DHRS7: variants seen among roughly 807,000 people sequenced by gnomAD.
DHRS7 encodes dehydrogenase/reductase SDR family member 7.
DHRS7 carries 34 observed loss-of-function variants against 38.9 expected under a neutral mutation model. The observed-to-expected ratio is 0.87, with a 90% CI of 0.66 to 1.16. DHRS7 has a LOEUF of 1.16. DHRS7 is among the 50% of genes most tolerant of loss of function. DHRS7 has a pLI of 0.00. For missense variants in DHRS7, 421 were observed against 407.0 expected (o/e 1.03, Z -0.30); for synonymous variants, 158 against 153.1 (o/e 1.03, Z -0.24).
intron 4 of DHRS7, among the ~76,000 whole-genome samples, chr14:60,152,526 T>C (rs1280741953): frequency 6.6e-6 from 1 of 152,020 alleles, no homozygotes; most frequent in Non-Finnish European, 1.5e-5. Context: ...GTCACAGAAA[T>C]GGGGAGGAAA....
chr14:60,151,191 G>A (rs766782806), intron 4 of DHRS7, among the ~76,000 whole-genome samples: 6 of 152,132 alleles, frequency 3.9e-5, no homozygotes, highest in Non-Finnish European at 8.8e-5. Context: ...TAATAAGAGG[G>A]TATGTGGCTA....
intron 1 of DHRS7, among the ~76,000 whole-genome samples, chr14:60,156,630 A>G (rs543126619): frequency 2.0e-5 from 3 of 152,296 alleles, no homozygotes; most frequent in Admixed American, 6.5e-5. Flanking sequence ...ATATTTTGCA[A>G]TGGAGGTTGA....
intron 1 of DHRS7, among the ~76,000 whole-genome samples, chr14:60,156,428 C>G (rs1029495338): frequency 6.6e-6 from 1 of 152,020 alleles, no homozygotes; most frequent in Non-Finnish European, 1.5e-5. Context: ...CAAGGTAAGC[C>G]TTATAACCTC....
chr14:60,165,107 G>C lies in DHRS7; in HGVS notation c.133+70C>G. The C allele has an allele frequency of 6.3e-7, 1 of 1,578,460 alleles. No homozygotes were observed. The highest frequency in any genetic ancestry group is 8.6e-7 in the Non-Finnish European group (1 of 1,160,734). On this transcript the variant is annotated intron_variant, in intron 1 of 6. Coordinates refer to ENST00000557185, the MANE Select transcript of DHRS7 (RefSeq NM_016029.4). This position sits in a 1 kb window ranked among gnomAD's most constrained non-coding sequence, Gnocchi z 4.6. Reference sequence around the variant, plus strand: ...ACCCGGGATCACTGCAGAACCCCCGGAGACCCGGACACGCCTCGGCAGCTC... The same window carrying C: ...ACCCGGGATCACTGCAGAACCCCCGCAGACCCGGACACGCCTCGGCAGCTC...
chr14:60,161,035 C>T lies in DHRS7; in HGVS notation c.133+4142G>A, dbSNP rs532419830. On this transcript the variant is annotated intron_variant, in intron 1 of 6. Transcript: ENST00000557185. The surrounding 1 kb of genome is among the most constrained non-coding windows in gnomAD (Gnocchi z 4.2). ...TCAGAACTGTGAAAAATGGGAGTTT[C>T]AGATGTACACTTATTGATAATCTTG... is the stretch of plus-strand genomic sequence containing the variant. 2.0e-5 allele frequency among the ~76,000 whole-genome samples: 3 copies of T among 152,300 alleles called. No individual in the cohort carries two copies. Among genetic ancestry groups the T allele is most frequent in the African/African-American group, 7.2e-5 (3 of 41,564 alleles).
intron 1 of DHRS7, chr14:60,159,364 C>T: frequency 3.0e-6 from 1 of 338,590 alleles, no homozygotes. Flanking sequence ...GGAATTGCTG[C>T]TGACCTTTCT....
chr14:60,168,094 C>T (rs555152434), upstream of DHRS7, among the ~76,000 whole-genome samples: 1 of 152,316 alleles, frequency 6.6e-6, no homozygotes, highest in East Asian at 1.9e-4. Flanking sequence ...CAGACAAGGT[C>T]TTACCTAGAG....
chr14:60,144,776 C>T lies in DHRS7; in HGVS notation c.*190G>A. On this transcript the variant is annotated 3_prime_UTR_variant, in exon 7 of 7. Coordinates refer to ENST00000557185, the MANE Select transcript of DHRS7 (RefSeq NM_016029.4). ...TCCAAGAATATAGTATGAGTTAATA[C>T]CTTTTTTGCAAGATTCATGGCAATC... 1.7e-6 allele frequency: 1 copy of T among 588,120 alleles called. No homozygotes were observed. Among genetic ancestry groups the T allele is most frequent in the Non-Finnish European group, 3.0e-6 (1 of 336,508 alleles). 36.4% of individuals were successfully genotyped at this position (588,120 alleles called of 1,614,324 possible).
rs1896764508 is a variant in DHRS7 at position 60,161,527 on chromosome 14, C to G, written c.133+3650G>C. On this transcript the variant is annotated intron_variant, in intron 1 of 6. Transcript: ENST00000557185. This position sits in a 1 kb window ranked among gnomAD's most constrained non-coding sequence, Gnocchi z 4.2. Reference sequence around the variant, plus strand: ...CTTCCCTAAGTCCTTTCATCTCTTACCTTCTCTAAGGCTAAATAAACCTAT... The same window carrying G: ...CTTCCCTAAGTCCTTTCATCTCTTAGCTTCTCTAAGGCTAAATAAACCTAT... Among the ~76,000 whole-genome samples, 1 of 152,282 alleles carries G rather than the reference C, an allele frequency of 6.6e-6. No homozygotes were observed. Among genetic ancestry groups the G allele is most frequent in the East Asian group, 1.9e-4 (1 of 5,186 alleles).
In DHRS7 at chr14:60,144,863, A is replaced by G. The variant is rs559729277; in HGVS notation, c.*103T>C. 3.9e-5 allele frequency: 39 copies of G among 1,006,224 alleles called. No individual in the cohort carries two copies. The African/African-American group carries it at 4.6e-4, about 12-fold the overall frequency. 62.3% of individuals were successfully genotyped at this position (1,006,224 alleles called of 1,614,324 possible). A position where few individuals can be genotyped will look rare whatever the true frequency, so the allele number is the denominator to read the frequency against. On this transcript the variant is annotated 3_prime_UTR_variant, in exon 7 of 7. Transcript: ENST00000557185. Reference sequence around the variant, plus strand: ...AGCAAAGTCATATCTATTAAAAAGTAAAATCACAAATTAGTCTTTGATTAT... The same window carrying G: ...AGCAAAGTCATATCTATTAAAAAGTGAAATCACAAATTAGTCTTTGATTAT...
At chr14:60,151,190 G>T (rs1250579673) in intron 4 of DHRS7, among the ~76,000 whole-genome samples, 1 of 151,980 alleles carries the variant, frequency 6.6e-6, no homozygotes, top group African/African-American at 2.4e-5. Flanking sequence ...GTAATAAGAG[G>T]GTATGTGGCT....
rs1896791781 is a variant in DHRS7 at position 60,162,930 on chromosome 14, G to A, written c.133+2247C>T. Among the ~76,000 whole-genome samples the A allele has an allele frequency of 6.6e-6, 1 of 152,148 alleles. No individual in the cohort carries two copies. Among genetic ancestry groups the A allele is most frequent in the Non-Finnish European group, 1.5e-5 (1 of 68,020 alleles). Reference sequence around the variant, plus strand: ...AATGCCTGTAATCCCAACACTTTGGGAGGCAGAGCGGGGTGGATCACCTGA... The same window carrying A: ...AATGCCTGTAATCCCAACACTTTGGAAGGCAGAGCGGGGTGGATCACCTGA... On this transcript the variant is annotated intron_variant, in intron 1 of 6. Transcript: ENST00000557185. The surrounding 1 kb of genome is among the most constrained non-coding windows in gnomAD (Gnocchi z 4.5).
chr14:60,159,648 C>G (rs1896723553), intron 1 of DHRS7, among the ~76,000 whole-genome samples: 1 of 151,896 alleles, frequency 6.6e-6, no homozygotes, highest in East Asian at 1.9e-4. Context: ...GTAAGATATA[C>G]AAGAAAATAA....
chr14:60,153,107 G>A lies in DHRS7; in HGVS notation c.465C>T (p.Tyr155=), dbSNP rs1323741446. 6 of 1,614,198 alleles carry A rather than the reference G, an allele frequency of 3.7e-6. No homozygotes were observed. Among genetic ancestry groups the A allele is most frequent in the Non-Finnish European group, 8.5e-7 (1 of 1,180,014 alleles). ...SLCMDTSLDV[Y]RKLIELNYLG... ...AGTAGTTAAGCTCTATTAGCTTTCT[G>A]TAGACATCCAAGCTGGTATCCATGC... Residue 155 remains tyrosine, a synonymous_variant, in exon 4 of 7, where the codon TAC becomes TAT. Transcript: ENST00000557185. This position sits in a 1 kb window ranked among gnomAD's most constrained non-coding sequence, Gnocchi z 4.4.
intron 1 of DHRS7, among the ~76,000 whole-genome samples, chr14:60,164,815 A>G (rs1451246703): frequency 2.0e-5 from 3 of 152,178 alleles, no homozygotes; most frequent in African/African-American, 7.2e-5. Context: ...ACTGTTTCTC[A>G]AAGTATCGTC....
In DHRS7 at chr14:60,144,791, T is replaced by C; in HGVS notation, c.*175A>G. 1 of 618,318 alleles carries C rather than the reference T, an allele frequency of 1.6e-6. No individual in the cohort carries two copies. Among genetic ancestry groups the C allele is most frequent in the Non-Finnish European group, 2.8e-6 (1 of 354,412 alleles). The allele number at this position is 618,318 out of a possible 1,614,324, so 38.3% of individuals were successfully genotyped here. ...TGAGTTAATACCTTTTTTGCAAGAT[T>C]CATGGCAATCTTTTATTATTTATTT... is the stretch of plus-strand genomic sequence containing the variant. On this transcript the variant is annotated 3_prime_UTR_variant, in exon 7 of 7. Transcript: ENST00000557185.
chr14:60,149,988 C>T, intron 5 of DHRS7, 77 bp downstream of exon 5: 1 of 1,442,000 alleles, frequency 6.9e-7, no homozygotes, highest in South Asian at 1.4e-5. Context: ...CTATGATATA[C>T]AGTGATACAA....
upstream of DHRS7, among the ~76,000 whole-genome samples, chr14:60,169,447 G>A (rs909332370): frequency 6.6e-6 from 1 of 152,236 alleles, no homozygotes; most frequent in Admixed American, 6.5e-5. Flanking sequence ...AGCTATTGCA[G>A]CTTCTACCTC....
At chr14:60,167,170 C>T (rs1896878958), upstream of DHRS7, among the ~76,000 whole-genome samples, 1 of 151,988 alleles carries the variant, frequency 6.6e-6, no homozygotes, top group Admixed American at 6.6e-5. Context: ...GGGTGGATAC[C>T]CCATTTACCA....
Sources: gnomAD v4.1 joint callset for allele counts (sites outside exome capture counted in the v4.1 genomes callset) on GRCh38, gnomAD v4.1.1 for gene constraint, Gnocchi (gnomAD v3.1) non-coding constraint, MANE v1.5 for transcripts, NCBI Gene and HGNC (gene_info 2026-07-23, HGNC 2026-07-21) for gene names.